ERO1B: variants seen among roughly 807,000 people sequenced by gnomAD.
The protein encoded by ERO1B is endoplasmic reticulum oxidoreductase 1 beta, also known as ERO1-like protein beta.
ERO1B carries 49 observed loss-of-function variants against 75.3 expected under a neutral mutation model. The ratio of observed to expected loss-of-function variants is 0.65; its 90% CI spans 0.52 to 0.83. The LOEUF is 0.83. Among genes scored for constraint, ERO1B ranks in the 40% least tolerant of loss-of-function variants. The pLI, the probability that ERO1B is intolerant of heterozygous loss-of-function variation, is 0.00. For missense variants in ERO1B, 512 were observed against 560.1 expected, an observed-to-expected ratio of 0.91 and a Z score of 0.87; for synonymous variants, 191 against 192.9, an observed-to-expected ratio of 0.99 and a Z score of 0.08.
chr1:236,270,719 TC>T (rs1414339836), intron 1 of ERO1B, among the ~76,000 whole-genome samples: 4 of 152,172 alleles, frequency 2.6e-5, no homozygotes, highest in Non-Finnish European at 5.9e-5. Context: ...GGATTTATCT[TC>T]CAGGAATTAT....
intron 6 of ERO1B, among the ~76,000 whole-genome samples, chr1:236,239,877 ATGTGTG>A (rs202156601): frequency 4.2e-5 from 4 of 96,026 alleles, no homozygotes; most frequent in Admixed American, 1.3e-4. Flanking sequence ...ATATGTGTAT[ATGTGTG>A]TGTGTGTGTA....
chr1:236,218,598 T>C (rs541449827), intron 15 of ERO1B, 22 bp from the exon 16 acceptor site: 6 of 1,331,226 alleles, frequency 4.5e-6, no homozygotes, highest in East Asian at 3.0e-5. Context: ...AGAAAAAGCT[T>C]ATTAGTAAGG....
In ERO1B at chr1:236,269,872, T is replaced by C. The variant is rs1407277382; in HGVS notation, c.222+3A>G. The stretch of plus-strand genomic sequence containing the variant: ...TCAACAGAATAAAAAATTACAACCT[T>C]ACCTTGTAATAACGAAAATAGTCTC... On this transcript the variant is annotated splice_donor_region_variant and intron_variant, in intron 2 of 15. Coordinates refer to ENST00000354619, the MANE Select transcript of ERO1B (RefSeq NM_019891.4). 7 of 1,579,826 alleles carry C rather than the reference T, an allele frequency of 4.4e-6. No homozygotes were observed. The highest frequency in any genetic ancestry group is 6.1e-6 in the Non-Finnish European group (7 of 1,149,806).
chr1:236,279,664 T>C (rs759953103), intron 1 of ERO1B, among the ~76,000 whole-genome samples: 1 of 79,468 alleles, frequency 1.3e-5, no homozygotes, highest in African/African-American at 5.2e-5. Context: ...CCCTGTCTAC[T>C]GGGAAAAAAA....
intron 6 of ERO1B, 136 bp from the exon 7 acceptor site, chr1:236,236,534 A>T: frequency 1.1e-5 from 9 of 802,478 alleles, no homozygotes; most frequent in Non-Finnish European, 1.5e-5. Flanking sequence ...TAAATGGTAT[A>T]GTGGTTAGTA....
At chr1:236,279,927 A>G (rs1294088557) in intron 1 of ERO1B, among the ~76,000 whole-genome samples, 1 of 152,124 alleles carries the variant, frequency 6.6e-6, no homozygotes, top group Non-Finnish European at 1.5e-5. Context: ...GCACAATGCT[A>G]CTTCAAATAT....
intron 6 of ERO1B, among the ~76,000 whole-genome samples, chr1:236,242,502 A>G (rs975675703): frequency 6.6e-6 from 1 of 152,108 alleles, no homozygotes; most frequent in Admixed American, 6.5e-5. Flanking sequence ...ATAACATTCC[A>G]TCTCCCAGTA....
At chr1:236,228,433 G>A (rs1003140330) in intron 10 of ERO1B, among the ~76,000 whole-genome samples, 6 of 152,166 alleles carry the variant, frequency 3.9e-5, no homozygotes, top group Admixed American at 3.9e-4. Flanking sequence ...GTGCCAGGCT[G>A]GATGGTATCT....
At chr1:236,251,530 G>T in intron 4 of ERO1B, 1 of 906,774 alleles carries the variant, frequency 1.1e-6, no homozygotes, top group Non-Finnish European at 1.3e-6. Flanking sequence ...AGAGAGAGAG[G>T]GTATGATGAT....
chr1:236,244,817 CT>C (rs1256258399), intron 5 of ERO1B, among the ~76,000 whole-genome samples: 1 of 151,512 alleles, frequency 6.6e-6, no homozygotes, highest in Non-Finnish European at 1.5e-5. Context: ...TCTACTTCAG[CT>C]TTTCCAAATG....
intron 2 of ERO1B, chr1:236,267,973 A>AG (rs1665488767): frequency 6.6e-6 from 1 of 152,334 alleles, no homozygotes; most frequent in African/African-American, 2.4e-5. Flanking sequence ...GGAAAAAAAA[A>AG]AAAATGAAAG....
intron 2 of ERO1B, among the ~76,000 whole-genome samples, chr1:236,258,449 C>G (rs1168039328): frequency 6.6e-6 from 1 of 152,096 alleles, no homozygotes; most frequent in African/African-American, 2.4e-5. Context: ...ATCCAGTGAT[C>G]CTGTTCTTCA....
At chr1:236,225,191 CTG>C (rs1485865026) in intron 12 of ERO1B, 52 bp from the exon 13 acceptor site, 3 of 1,532,516 alleles carry the variant, frequency 2.0e-6, no homozygotes, top group South Asian at 2.3e-5. Context: ...TCCACGTACT[CTG>C]TATCAGAAAC....
rs533268550 is a variant in ERO1B at position 236,216,856 on chromosome 1, C to CAA, written c.*1659_*1660insTT. The CAA allele has an allele frequency of 4.8e-3, 734 of 151,660 alleles. 8 individuals are homozygous for CAA. Among genetic ancestry groups the CAA allele is most frequent in the African/African-American group, 0.017 (703 of 41,396 alleles). 9.4% of individuals were successfully genotyped at this position (151,660 alleles called of 1,614,324 possible). On this transcript the variant is annotated 3_prime_UTR_variant, in exon 16 of 16. Transcript: ENST00000354619. ...ACTTTTTAGACAGTTTGCCTTAAGGCCCCCCTCCCCCACCATACAATACTT... is the reference window on the plus strand; with the variant it reads ...ACTTTTTAGACAGTTTGCCTTAAGGCAACCCCCTCCCCCACCATACAATACTT...
At chr1:236,257,395 T>C (rs1665183150) in intron 2 of ERO1B, among the ~76,000 whole-genome samples, 1 of 151,920 alleles carries the variant, frequency 6.6e-6, no homozygotes, top group South Asian at 2.1e-4. Flanking sequence ...CAAGCCAAAA[T>C]CTTGGCAGCC....
Position 236,281,846 on chromosome 1 carries a change from C to A in ERO1B, c.-63G>T. On this transcript the variant is annotated 5_prime_UTR_variant, in exon 1 of 16. Coordinates refer to ENST00000354619, the MANE Select transcript of ERO1B (RefSeq NM_019891.4). ...CGGGGCCGGGGAACGACGGGCGGCCCAGGCGACGACCCAAGGGGACGGTTC... is the reference window on the plus strand; with the variant it reads ...CGGGGCCGGGGAACGACGGGCGGCCAAGGCGACGACCCAAGGGGACGGTTC... 1 of 1,251,906 alleles carries A rather than the reference C, an allele frequency of 8.0e-7. No individual in the cohort carries two copies. The highest frequency in any genetic ancestry group is 1.0e-6 in the Non-Finnish European group (1 of 961,480). 77.5% of individuals were successfully genotyped at this position (1,251,906 alleles called of 1,614,324 possible). A position where few individuals can be genotyped will look rare whatever the true frequency, so the allele number is the denominator to read the frequency against.
At chr1:236,271,428 C>A (rs141688725) in intron 1 of ERO1B, among the ~76,000 whole-genome samples, 84 of 152,216 alleles carry the variant, frequency 5.5e-4, no homozygotes, top group African/African-American at 2.0e-3. Flanking sequence ...AATTTTGGCT[C>A]TAGAGTTACA....
chr1:236,236,511 G>T, intron 6 of ERO1B, 113 bp from the exon 7 acceptor site: 1 of 1,091,050 alleles, frequency 9.2e-7, no homozygotes, highest in Non-Finnish European at 1.3e-6. Context: ...TGCTTTTCAA[G>T]TAATCTCCAA....
chr1:236,244,461 T>C (rs566331367), intron 5 of ERO1B, among the ~76,000 whole-genome samples: 2 of 152,332 alleles, frequency 1.3e-5, no homozygotes, highest in East Asian at 3.9e-4. Context: ...TGTATCACAG[T>C]TGACCCAACT....
Sources: allele counts gnomAD v4.1 joint callset (sites outside exome capture counted in the v4.1 genomes callset), GRCh38; gene constraint gnomAD v4.1.1; transcripts MANE v1.5; gene names NCBI Gene and HGNC (gene_info 2026-07-23, HGNC 2026-07-21).